ARHGAP15: variants seen among roughly 807,000 people sequenced by gnomAD.
The protein encoded by ARHGAP15 is Rho GTPase activating protein 15.
In ARHGAP15, 51 loss-of-function variants were observed where a neutral mutation model predicts 63.7. The ratio of observed to expected loss-of-function variants is 0.80; its 90% CI spans 0.64 to 1.01. ARHGAP15 has a LOEUF of 1.01. Ranked by LOEUF, ARHGAP15 falls within the 50% of genes least tolerant of loss-of-function variation. The probability of loss-of-function intolerance (pLI) is 0.00; values close to 1 mark genes in which losing one functional copy is unlikely to be tolerated. For synonymous variants in ARHGAP15, 191 were observed against 193.8 expected, an observed-to-expected ratio of 0.99 and a Z score of 0.12; for missense variants, 560 against 564.6, an observed-to-expected ratio of 0.99 and a Z score of 0.08.
chr2:143,359,656 G>A (rs958677452), intron 6 of ARHGAP15, among the ~76,000 whole-genome samples: 5 of 152,144 alleles, frequency 3.3e-5, no homozygotes, highest in Admixed American at 3.3e-4. Context: ...GGAGATATGT[G>A]CAGGTCAGTA....
intron 13 of ARHGAP15, among the ~76,000 whole-genome samples, chr2:143,716,197 T>C (rs942059531): frequency 9.9e-5 from 15 of 152,156 alleles, no homozygotes; most frequent in Non-Finnish European, 1.8e-4. Context: ...AGAGATACTC[T>C]TAATATTAAG....
chr2:143,393,109 T>C (rs1442429322), intron 6 of ARHGAP15, among the ~76,000 whole-genome samples: 1 of 152,156 alleles, frequency 6.6e-6, no homozygotes, highest in Non-Finnish European at 1.5e-5. Flanking sequence ...TGTCCCTGTT[T>C]TCAGTTTTGG....
In ARHGAP15 at chr2:143,440,131, T is replaced by C. The variant is rs2105102629; in HGVS notation, c.703+3089T>C. On this transcript the variant is annotated intron_variant, in intron 8 of 13. Transcript: ENST00000295095. ...GAATTAAGTTCATTCAATATGTATG[T>C]ATTCATTTTCATTTGAAAGGCATAA... Among the ~76,000 whole-genome samples, 2 of 152,296 alleles carry C rather than the reference T, an allele frequency of 1.3e-5. 1 individual carries two copies. Among genetic ancestry groups the C allele is most frequent in the South Asian group, 4.1e-4 (2 of 4,824 alleles).
At chr2:143,724,055 G>GTGTGTT in intron 13 of ARHGAP15, among the ~76,000 whole-genome samples, 2 of 150,604 alleles carry the variant, frequency 1.3e-5, no homozygotes, top group Middle Eastern at 6.9e-3. Flanking sequence ...ACCTTCATGT[G>GTGTGTT]TGTGTGTGTG....
At position 143,663,416 on chromosome 2, in the gene ARHGAP15, C is replaced by G. The variant is rs1194283822; in HGVS notation, c.1138+39149C>G. Among the ~76,000 whole-genome samples the G allele has an allele frequency of 2.0e-5, 3 of 147,046 alleles. No homozygotes were observed. In the East Asian group the frequency reaches 6.1e-4, roughly 30 times the overall value. On this transcript the variant is annotated intron_variant, in intron 12 of 13. Transcript: ENST00000295095. The stretch of plus-strand genomic sequence containing the variant: ...GCCCTAAAAGAGCTCCTGAAGGAAG[C>G]GCTAAACATGGAAAGGAACAACCGG...
chr2:143,197,031 C>G (rs1208529170), intron 2 of ARHGAP15, among the ~76,000 whole-genome samples: 2 of 151,900 alleles, frequency 1.3e-5, no homozygotes, highest in Non-Finnish European at 2.9e-5. Flanking sequence ...TGGAACCCTC[C>G]TTTGTCAGCA....
intron 11 of ARHGAP15, among the ~76,000 whole-genome samples, chr2:143,591,240 C>T (rs1343197569): frequency 6.6e-6 from 1 of 152,176 alleles, no homozygotes; most frequent in African/African-American, 2.4e-5. Flanking sequence ...TCCAGAGGAT[C>T]CACTTCCCCA....
At chr2:143,266,034 A>ATT (rs35167992) in intron 6 of ARHGAP15, among the ~76,000 whole-genome samples, 35 of 151,706 alleles carry the variant, frequency 2.3e-4, no homozygotes, top group African/African-American at 7.5e-4. Context: ...GTGTTAAGTG[A>ATT]TTTTTTTTCA....
At chr2:143,517,386 T>A (rs1174654105) in intron 9 of ARHGAP15, among the ~76,000 whole-genome samples, 1 of 152,226 alleles carries the variant, frequency 6.6e-6, no homozygotes, top group Non-Finnish European at 1.5e-5. Context: ...ATTTTGAGTA[T>A]CCCCTTATAA....
At chr2:143,537,893 C>T (rs77366507) in intron 10 of ARHGAP15, among the ~76,000 whole-genome samples, 150,258 of 150,884 alleles carry the variant, frequency 1, 74,822 homozygotes, top group Middle Eastern at 1. Context: ...AACTTTAAAG[C>T]AGTTTTTTCC....
chr2:143,752,125 T>C (rs372547263), intron 13 of ARHGAP15, among the ~76,000 whole-genome samples: 2 of 152,260 alleles, frequency 1.3e-5, no homozygotes, highest in East Asian at 3.9e-4. Context: ...CCCTGCCACT[T>C]GTTATTAAAA....
At chr2:143,661,849 A>G (rs539371333) in intron 12 of ARHGAP15, among the ~76,000 whole-genome samples, 1 of 152,170 alleles carries the variant, frequency 6.6e-6, no homozygotes, top group African/African-American at 2.4e-5. Context: ...CCCGAATATT[A>G]CGCTTTTCGG....
chr2:143,166,352 A>T (rs182658351), intron 2 of ARHGAP15, among the ~76,000 whole-genome samples: 2 of 152,240 alleles, frequency 1.3e-5, no homozygotes, highest in East Asian at 3.9e-4. Flanking sequence ...TCCCTCTAAG[A>T]GTCCCCAAAG....
intron 13 of ARHGAP15, among the ~76,000 whole-genome samples, chr2:143,738,397 T>C (rs1489490766): frequency 2.0e-5 from 3 of 152,188 alleles, no homozygotes; most frequent in Non-Finnish European, 4.4e-5. Flanking sequence ...AACTGTGGAT[T>C]TGAACATTTG....
intron 6 of ARHGAP15, among the ~76,000 whole-genome samples, chr2:143,321,556 A>G (rs961297866): frequency 3.3e-5 from 5 of 152,222 alleles, no homozygotes; most frequent in Non-Finnish European, 5.9e-5. Context: ...CCCTGAACCA[A>G]TAACTATGAG....
chr2:143,159,013 G>A (rs1233878682), intron 2 of ARHGAP15, among the ~76,000 whole-genome samples: 1 of 151,896 alleles, frequency 6.6e-6, no homozygotes, highest in Non-Finnish European at 1.5e-5. Context: ...TGATTTGCAG[G>A]CAAGAGTAGT....
chr2:143,685,984 T>C (rs1683320391), intron 12 of ARHGAP15, among the ~76,000 whole-genome samples: 1 of 152,196 alleles, frequency 6.6e-6, no homozygotes, highest in Non-Finnish European at 1.5e-5. Context: ...AGAATAACAT[T>C]TGTGTCCAGT....
intron 9 of ARHGAP15, among the ~76,000 whole-genome samples, chr2:143,500,195 A>G (rs939748541): frequency 4.0e-5 from 6 of 151,062 alleles, no homozygotes; most frequent in Admixed American, 2.0e-4. Context: ...TTAGTATTTT[A>G]TCTTTGATAT....
chr2:143,601,360 G>T (rs998305389), intron 11 of ARHGAP15, among the ~76,000 whole-genome samples: 4 of 152,016 alleles, frequency 2.6e-5, no homozygotes, highest in Admixed American at 6.6e-5. Flanking sequence ...GCAAGGGAAA[G>T]GTAATAGAAT....
Sources: gnomAD v4.1 joint callset for allele counts (sites outside exome capture counted in the v4.1 genomes callset) on GRCh38, gnomAD v4.1.1 for gene constraint, MANE v1.5 for transcripts, NCBI Gene and HGNC (gene_info 2026-07-23, HGNC 2026-07-21) for gene names.